Variants in TENM3 observed in about 807,000 individuals in gnomAD.
The protein encoded by TENM3 is teneurin-3.
In TENM3, 63 loss-of-function variants were observed where a neutral mutation model predicts 255.1. The observed-to-expected ratio is 0.25, with a 90% CI of 0.20 to 0.30. TENM3 has a LOEUF of 0.30. Ranked by LOEUF, TENM3 falls within the 10% of genes least tolerant of loss-of-function variation. TENM3 has a pLI of 1.00. For missense variants in TENM3, 2,929 were observed against 3,461.1 expected, an observed-to-expected ratio of 0.85 and a Z score of 3.86; for synonymous variants, 1,306 against 1,322.3, an observed-to-expected ratio of 0.99 and a Z score of 0.27.
At chr4:182,335,954 G>T (rs780425543) in intron 2 of TENM3, among the ~76,000 whole-genome samples, 2 of 152,146 alleles carry the variant, frequency 1.3e-5, no homozygotes, top group East Asian at 1.9e-4. Context: ...TGGGAAAGGC[G>T]GTAGCTAATC....
intron 3 of TENM3, among the ~76,000 whole-genome samples, chr4:182,595,690 C>T (rs1747144711): frequency 6.6e-6 from 1 of 151,982 alleles, no homozygotes; most frequent in Non-Finnish European, 1.5e-5. Context: ...GGGTATGATG[C>T]ATAATTTCTC....
chr4:182,799,939 G>A lies in TENM3; in HGVS notation c.7688G>A (p.Arg2563Gln). ...CCCGAGAGCGACCTGGGCACGCTGC[G>A]GTTGACCAGCGGCCGCAAGGCGCTG... Reference protein sequence around the residue: ...TTPESDLGTLRLTSGRKALEN... With the variant: ...TTPESDLGTLQLTSGRKALEN... Residue 2563 changes from arginine to glutamine, a missense_variant, in exon 28 of 28, where the codon CGG becomes CAG. By Grantham distance (43) the Arg-to-Gln change is conservative. Around this residue, in one of 6 missense-constraint regions of TENM3, gnomAD observed 476 missense variants for 480.1 expected, o/e 0.99. Coordinates refer to ENST00000511685, the MANE Select transcript of TENM3 (RefSeq NM_001080477.4). The surrounding 1 kb of genome is among the most constrained non-coding windows in gnomAD (Gnocchi z 4.2). The A allele has an allele frequency of 1.3e-6, 2 of 1,597,450 alleles. No individual in the cohort carries two copies. Among genetic ancestry groups the A allele is most frequent in the South Asian group, 1.1e-5 (1 of 88,326 alleles).
At chr4:182,362,709 G>A (rs959223028) in intron 3 of TENM3, among the ~76,000 whole-genome samples, 2 of 152,006 alleles carry the variant, frequency 1.3e-5, no homozygotes, top group Admixed American at 6.6e-5. Context: ...GCTTCGGCTC[G>A]CACACGGTGC....
intron 4 of TENM3, among the ~76,000 whole-genome samples, chr4:182,622,609 A>G (rs1042172776): frequency 1.3e-5 from 2 of 152,238 alleles, no homozygotes; most frequent in Non-Finnish European, 1.5e-5. Context: ...GAATAAAGCT[A>G]AAACACACAT....
intron 3 of TENM3, among the ~76,000 whole-genome samples, chr4:182,355,271 A>G (rs560413820): frequency 4.6e-5 from 7 of 152,300 alleles, no homozygotes; most frequent in African/African-American, 1.7e-4. Flanking sequence ...AGCCACAAGG[A>G]GTTTGATGCC....
the TENM3 span, among the ~76,000 whole-genome samples, chr4:181,899,574 T>G: frequency 2.0e-4 from 31 of 152,186 alleles, no homozygotes; most frequent in Admixed American, 1.4e-3. Context: ...TTTTGTTTTT[T>G]GGGGTTTTTT....
chr4:182,165,511 A>G (rs1009246585), intron 1 of TENM3, among the ~76,000 whole-genome samples: 4 of 152,204 alleles, frequency 2.6e-5, no homozygotes, highest in Non-Finnish European at 5.9e-5. Flanking sequence ...CTAGAGAGCT[A>G]TCTGAGTCAG....
intron 3 of TENM3, among the ~76,000 whole-genome samples, chr4:182,507,250 TC>T (rs1370013058): frequency 3.3e-5 from 5 of 152,244 alleles, no homozygotes; most frequent in African/African-American, 1.2e-4. Context: ...TTGCCCTTTT[TC>T]TTCCATCATT....
At chr4:182,440,898 G>A (rs904907471) in intron 3 of TENM3, among the ~76,000 whole-genome samples, 5 of 151,786 alleles carry the variant, frequency 3.3e-5, no homozygotes, top group African/African-American at 1.2e-4. Flanking sequence ...CACGTGTCAC[G>A]GGGTTTGTTG....
chr4:182,412,082 T>C (rs1770027104), intron 3 of TENM3, among the ~76,000 whole-genome samples: 1 of 152,078 alleles, frequency 6.6e-6, no homozygotes, highest in Non-Finnish European at 1.5e-5. Flanking sequence ...AATCAGCAGC[T>C]GGGTCGTGAC....
At chr4:182,664,008 G>A (rs1031353578) in intron 6 of TENM3, among the ~76,000 whole-genome samples, 5 of 152,204 alleles carry the variant, frequency 3.3e-5, no homozygotes, top group South Asian at 2.1e-4. Flanking sequence ...CTCAGAATGC[G>A]GTGAAAAATG....
chr4:182,073,043 A>G, the TENM3 span, among the ~76,000 whole-genome samples: 1 of 152,190 alleles, frequency 6.6e-6, no homozygotes, highest in Non-Finnish European at 1.5e-5. Context: ...ACACTGCTAT[A>G]AAGAAATACT....
At chr4:181,715,682 A>C in the TENM3 span, among the ~76,000 whole-genome samples, 1 of 152,208 alleles carries the variant, frequency 6.6e-6, no homozygotes, top group Admixed American at 6.5e-5. Context: ...GTCTTGTACC[A>C]CTGGCATCTT....
chr4:182,197,490 C>T (rs1421151554), intron 1 of TENM3, among the ~76,000 whole-genome samples: 2 of 151,974 alleles, frequency 1.3e-5, no homozygotes, highest in Non-Finnish European at 2.9e-5. Context: ...AAAAAAGTTT[C>T]CAAACCACTG....
At chr4:181,483,902 G>A in the TENM3 span, among the ~76,000 whole-genome samples, 2 of 152,074 alleles carry the variant, frequency 1.3e-5, no homozygotes, top group East Asian at 3.9e-4. Context: ...GTCAAAACTT[G>A]CCCTGATTCC....
chr4:181,532,822 ATTGT>A, the TENM3 span, among the ~76,000 whole-genome samples: 2 of 152,102 alleles, frequency 1.3e-5, no homozygotes, highest in Non-Finnish European at 2.9e-5. Flanking sequence ...CTCTTATGAT[ATTGT>A]TTGTTTCATT....
At chr4:182,457,020 T>C (rs1292588049) in intron 3 of TENM3, among the ~76,000 whole-genome samples, 1 of 151,914 alleles carries the variant, frequency 6.6e-6, no homozygotes, top group African/African-American at 2.4e-5. Flanking sequence ...TGGTCTTTAC[T>C]AAAAATACGA....
chr4:181,487,049 T>TA, the TENM3 span, among the ~76,000 whole-genome samples: 1 of 152,210 alleles, frequency 6.6e-6, no homozygotes, highest in Admixed American at 6.5e-5. Context: ...ACAAATTAAC[T>TA]GCAGTTCATA....
the TENM3 span, among the ~76,000 whole-genome samples, chr4:181,463,030 T>A: frequency 6.6e-6 from 1 of 152,198 alleles, no homozygotes; most frequent in Non-Finnish European, 1.5e-5. Flanking sequence ...ACATAGCTCA[T>A]CTTGGTATTC....
Sources: allele counts gnomAD v4.1 joint callset (sites outside exome capture counted in the v4.1 genomes callset), GRCh38; gene constraint gnomAD v4.1.1; regional missense constraint gnomAD v4.1.1; non-coding constraint Gnocchi (gnomAD v3.1); transcripts MANE v1.5; gene names NCBI Gene and HGNC (gene_info 2026-07-23, HGNC 2026-07-21).